The following MTCL1 variants were observed in gnomAD, a reference collection of about 807,000 sequenced individuals.
MTCL1 encodes the protein microtubule cross-linking factor 1.
In MTCL1, 79 loss-of-function variants were observed where a neutral mutation model predicts 141.4. The ratio of observed to expected loss-of-function variants is 0.56; its 90% CI spans 0.47 to 0.67. The LOEUF is 0.67. MTCL1 is among the 30% of genes least tolerant of loss of function. MTCL1 has a pLI of 0.00. For synonymous variants in MTCL1, 914 were observed against 875.8 expected (o/e 1.04, Z -0.77); for missense variants, 2,177 against 2,113.9 (o/e 1.03, Z -0.59).
At position 8,757,547 on chromosome 18, in the gene MTCL1, G is replaced by C. The variant is rs928024174; in HGVS notation, c.358-20286G>C. On this transcript the variant is annotated intron_variant, in intron 4 of 16. Coordinates refer to ENST00000359865, the Ensembl canonical transcript of MTCL1. ...GGGGAGCCGGGAGACCTGTCATCGT[G>C]TGAGCATCTGCTGTCACTGACAATC... Among the ~76,000 whole-genome samples the C allele has an allele frequency of 8.5e-5, 13 of 152,226 alleles. 2 individuals are homozygous for C. The highest frequency in any genetic ancestry group is 7.8e-4 in the Admixed American group (12 of 15,290).
rs887938451 is a variant in MTCL1, at chr18:8,747,470, A to G, written c.357+26974A>G. ...TTGCTCCCTGGCTTGTGGCTGAGCC[A>G]CCCAAATCTCTGCCTCTGCCTTTGT... On this transcript the variant is annotated intron_variant, in intron 4 of 16. Coordinates refer to ENST00000359865, the Ensembl canonical transcript of MTCL1. 3.3e-5 allele frequency among the ~76,000 whole-genome samples: 5 copies of G among 152,278 alleles called. No homozygotes were observed. The South Asian group carries it at 1.0e-3, about 32-fold the overall frequency.
rs921650653 is a variant in MTCL1, at chr18:8,798,215, C to T, written c.2360C>T (p.Ser787Phe). The change falls in exon 10 of 17, where the codon TCC (serine) becomes TTC (phenylalanine). Residue 787 changes from serine (S) to phenylalanine (F), a missense_variant. Ser to Phe is a radical substitution (Grantham distance 155). Transcript: ENST00000359865. ...TGTGGCTTTCCAGTGGGGGAGCACT[C>T]CCCACACTCCCGGGTGCAGATTGGA... The T allele has an allele frequency of 3.1e-6, 5 of 1,599,400 alleles. No homozygotes were observed. The Admixed American group carries it at 5.2e-5, about 17-fold the overall frequency.
intron 1 of MTCL1, among the ~76,000 whole-genome samples, chr18:8,711,974 A>G (rs1255410183): frequency 1.3e-5 from 2 of 152,170 alleles, no homozygotes; most frequent in Non-Finnish European, 2.9e-5. Flanking sequence ...CGTTGTCAAC[A>G]TATTAATTAT....
chr18:8,830,230 A>T lies in MTCL1; in HGVS notation c.*18+1266A>T. On this transcript the variant is annotated intron_variant, in intron 16 of 16. Coordinates refer to ENST00000359865, the Ensembl canonical transcript of MTCL1. The surrounding 1 kb of genome is among the most constrained non-coding windows in gnomAD (Gnocchi z 6.4). ...GGCTGGTGGCGCTGGTGGAGTTTTA[A>T]CTGGAGAGGTATTTCTGGTTGTCAC... 1 of 985,612 alleles carries T rather than the reference A, an allele frequency of 1.0e-6. No homozygotes were observed. The allele number at this position is 985,612 out of a possible 1,614,324, so 61.1% of individuals were successfully genotyped here.
intron 4 of MTCL1, among the ~76,000 whole-genome samples, chr18:8,762,245 A>G (rs2096435999): frequency 6.6e-6 from 1 of 152,232 alleles, no homozygotes; most frequent in Non-Finnish European, 1.5e-5. Context: ...ACCTCGCCGA[A>G]TGGCATCCTC....
At position 8,828,790 on chromosome 18, in the gene MTCL1, G is replaced by A. The variant is rs17406924; in HGVS notation, c.4723-118G>A. 0.013 allele frequency: 20,552 copies of A among 1,527,096 alleles called. 172 individuals are homozygous for A. The highest frequency in any genetic ancestry group is 0.016 in the Non-Finnish European group (18,401 of 1,131,742). 94.6% of individuals were successfully genotyped at this position (1,527,096 alleles called of 1,614,324 possible). A position where few individuals can be genotyped will look rare whatever the true frequency, so the allele number is the denominator to read the frequency against. ...TCTCTCCTGGTGGCTACCCCTGAGC[G>A]AGAGGGATGGTCCTCTACCTCCGGG... On this transcript the variant is annotated intron_variant, in intron 15 of 16. Transcript: ENST00000359865. The surrounding 1 kb of genome is among the most constrained non-coding windows in gnomAD (Gnocchi z 5.2).
chr18:8,786,119 C>CCCTA, intron 7 of MTCL1, 28 bp downstream of exon 6: 7 of 1,428,830 alleles, frequency 4.9e-6, no homozygotes, highest in Middle Eastern at 2.2e-4. Flanking sequence ...ATCCCCCCCC[C>CCCTA]CCGCCCTCCC....
intron 4 of MTCL1, among the ~76,000 whole-genome samples, chr18:8,737,491 G>A (rs2096280274): frequency 6.6e-6 from 1 of 152,200 alleles, no homozygotes; most frequent in African/African-American, 2.4e-5. Context: ...TGGGGTCTGG[G>A]CTGGCCATCA....
At chr18:8,812,328 C>A (rs751566565) in intron 11 of MTCL1, among the ~76,000 whole-genome samples, 1 of 151,636 alleles carries the variant, frequency 6.6e-6, no homozygotes, top group East Asian at 1.9e-4. Flanking sequence ...AAAGTGTTTT[C>A]CTTCTTTTTT....
At chr18:8,727,642 A>G (rs1289473448) in intron 4 of MTCL1, among the ~76,000 whole-genome samples, 1 of 151,986 alleles carries the variant, frequency 6.6e-6, no homozygotes, top group Non-Finnish European at 1.5e-5. Context: ...TAGCTTTTCT[A>G]TGGTTTCTTT....
rs545069514 is a variant in MTCL1, at chr18:8,732,952, C to T, written c.357+12456C>T. ...ATTCATCAGGCAGTTGGCATTTGAA[C>T]GTAGACACTGTTCATCTTTGGGTGC... On this transcript the variant is annotated intron_variant, in intron 4 of 16. Transcript: ENST00000359865. Among the ~76,000 whole-genome samples the T allele has an allele frequency of 7.9e-5, 12 of 152,338 alleles. No individual in the cohort carries two copies. The East Asian group carries it at 1.9e-3, about 24-fold the overall frequency.
Position 8,783,518 on chromosome 18 carries a change from C to T in MTCL1, c.418-12C>T. 1.3e-6 allele frequency: 2 copies of T among 1,581,506 alleles called. No homozygotes were observed. The highest frequency in any genetic ancestry group is 1.3e-5 in the African/African-American group (1 of 74,262). Reference sequence around the variant, plus strand: ...CAAATAACCCTTCTCCCGGGCTGTTCTCTCCTGGCAGGATGACAGTGCCGA... The same window carrying T: ...CAAATAACCCTTCTCCCGGGCTGTTTTCTCCTGGCAGGATGACAGTGCCGA... On this transcript the variant is annotated splice_polypyrimidine_tract_variant and intron_variant, in intron 5 of 16. Transcript: ENST00000359865.
chr18:8,725,776 C>CTTTTTTTTTTTTTTTTTTTTTTTTTTTTT (rs1220187127), intron 4 of MTCL1, among the ~76,000 whole-genome samples: 1 of 110,996 alleles, frequency 9.0e-6, no homozygotes. Flanking sequence ...GTGCCATTTT[C>CTTTTTTTTTTTTTTTTTTTTTTTTTTTTT]TTTTTTTTTT....
At chr18:8,792,684 G>A (rs1474387665) in intron 7 of MTCL1, among the ~76,000 whole-genome samples, 1 of 152,216 alleles carries the variant, frequency 6.6e-6, no homozygotes, top group Non-Finnish European at 1.5e-5. Context: ...GTGGGAGCAA[G>A]GACACCTCTG....
rs147364898 is a variant in MTCL1, at chr18:8,828,874, G to GCTTTT, written c.4723-24_4723-20dup. The GCTTTT allele has an allele frequency of 1.2e-6, 2 of 1,614,038 alleles. No individual in the cohort carries two copies. Among genetic ancestry groups the GCTTTT allele is most frequent in the Non-Finnish European group, 1.7e-6 (2 of 1,180,020 alleles). On this transcript the variant is annotated intron_variant, in intron 15 of 16. Transcript: ENST00000359865. The surrounding 1 kb of genome is among the most constrained non-coding windows in gnomAD (Gnocchi z 5.2). ...TTAAAAAACACTTTCCAACCTTCTT[G>GCTTTT]CTTTTCTTTTCTTTCTCTGTCTGTT...
chr18:8,761,449 A>G (rs1008299975), intron 4 of MTCL1, among the ~76,000 whole-genome samples: 1 of 152,294 alleles, frequency 6.6e-6, no homozygotes, highest in South Asian at 2.1e-4. Flanking sequence ...CAAGAACTTC[A>G]TCATCATCTC....
intron 4 of MTCL1, among the ~76,000 whole-genome samples, chr18:8,720,913 T>A (rs2096166999): frequency 6.6e-6 from 1 of 152,038 alleles, no homozygotes; most frequent in South Asian, 2.1e-4. Context: ...AGAAGTAGCT[T>A]TTTTCTCCAG....
exon 1 of MTCL1, chr18:8,706,248 C>T (rs1343812419): frequency 8.1e-6 from 10 of 1,228,696 alleles, no homozygotes; most frequent in Non-Finnish European, 1.0e-5. Context: ...TGGCCGGGTC[C>T]CCGGCCCGCT....
At chr18:8,793,102 T>C (rs375932138) in exon 8 of MTCL1, 144 of 1,613,868 alleles carry the variant, frequency 8.9e-5, no homozygotes, top group Non-Finnish European at 7.2e-5. Context: ...CAGAGACATT[T>C]ACAAACAAGA....
Sources: allele counts gnomAD v4.1 joint callset (sites outside exome capture counted in the v4.1 genomes callset), GRCh38; gene constraint gnomAD v4.1.1; non-coding constraint Gnocchi (gnomAD v3.1); transcripts MANE v1.5; gene names NCBI Gene and HGNC (gene_info 2026-07-23, HGNC 2026-07-21).